SASS6: variants seen among roughly 807,000 people sequenced by gnomAD.
SASS6 encodes the protein spindle assembly abnormal protein 6 homolog.
In SASS6, 59 loss-of-function variants were observed where a neutral mutation model predicts 94.9. The ratio of observed to expected loss-of-function variants is 0.62; its 90% confidence interval spans 0.50 to 0.77. The LOEUF is 0.77. Among genes scored for constraint, SASS6 ranks in the 30% least tolerant of loss-of-function variants. The pLI, the probability that SASS6 is intolerant of heterozygous loss-of-function variation, is 0.00. For missense variants in SASS6, 698 were observed against 734.1 expected, an observed-to-expected ratio of 0.95 and a Z score of 0.57; for synonymous variants, 264 against 270.0, an observed-to-expected ratio of 0.98 and a Z score of 0.22.
At chr1:100,114,525 A>T (rs763702885) in intron 7 of SASS6, among the ~76,000 whole-genome samples, 22 of 151,430 alleles carry the variant, frequency 1.5e-4, no homozygotes, top group South Asian at 8.3e-4. Context: ...CTCTAAAAAA[A>T]AAATAAATAA....
intron 14 of SASS6, among the ~76,000 whole-genome samples, chr1:100,089,107 AAATAGTC>A (rs1651507105): frequency 6.6e-6 from 1 of 152,140 alleles, no homozygotes; most frequent in Admixed American, 6.5e-5. Context: ...TCCAGACATA[AAATAGTC>A]AATATATAAA....
chr1:100,114,057 T>C (rs956977453), intron 7 of SASS6, among the ~76,000 whole-genome samples: 1 of 151,930 alleles, frequency 6.6e-6, no homozygotes, highest in African/African-American at 2.4e-5. Flanking sequence ...ACATGGCTTT[T>C]TAAGAAAATA....
chr1:100,096,009 A>G (rs1652078803), intron 14 of SASS6, among the ~76,000 whole-genome samples: 1 of 152,220 alleles, frequency 6.6e-6, no homozygotes. Flanking sequence ...TTCCTTATAT[A>G]CCTATCAAAA....
intron 14 of SASS6, among the ~76,000 whole-genome samples, chr1:100,100,022 T>A (rs1652357463): frequency 6.6e-6 from 1 of 152,030 alleles, no homozygotes; most frequent in African/African-American, 2.4e-5. Flanking sequence ...ATCCCACCAC[T>A]TGGGAGGCCG....
rs759557305 is a variant in SASS6 at position 100,110,357 on chromosome 1, C to T, written c.796G>A (p.Glu266Lys). Residue 266 changes from glutamate to lysine, a missense_variant, in exon 8 of 17, where the codon GAA becomes AAA. Physicochemically the swap from Glu to Lys is moderately conservative, Grantham distance 56 (BLOSUM62 1). Transcript: ENST00000287482. ...GTGGAGTCTCCTTTATATTTTCTTT[C>T]GGTTAAGTCTTTATTAGCCGCTTCT... ...ELEAANKDLT[E>K]RKYKGDSTIR... 31 of 1,607,004 alleles carry T rather than the reference C, an allele frequency of 1.9e-5. No homozygotes were observed. The highest frequency in any genetic ancestry group is 1.0e-4 in the South Asian group (9 of 90,256).
intron 14 of SASS6, among the ~76,000 whole-genome samples, chr1:100,090,333 TAAA>T (rs1359917907): frequency 6.6e-6 from 1 of 151,674 alleles, no homozygotes; most frequent in African/African-American, 2.4e-5. Flanking sequence ...GGCTGGAAAA[TAAA>T]AAAATAGAAA....
intron 15 of SASS6, among the ~76,000 whole-genome samples, chr1:100,087,271 C>CTACA (rs955540452): frequency 9.2e-5 from 14 of 152,342 alleles, no homozygotes; most frequent in Non-Finnish European, 1.8e-4. Flanking sequence ...GCATGAGCCA[C>CTACA]TGTGACCAGC....
intron 14 of SASS6, among the ~76,000 whole-genome samples, chr1:100,100,502 A>G (rs1284305663): frequency 6.6e-6 from 1 of 152,212 alleles, no homozygotes; most frequent in African/African-American, 2.4e-5. Flanking sequence ...CCAAAAATAA[A>G]AGAGAAAAAA....
chr1:100,116,047 C>A (rs979355331), intron 7 of SASS6, among the ~76,000 whole-genome samples: 6 of 151,964 alleles, frequency 3.9e-5, no homozygotes, highest in African/African-American at 1.2e-4. Context: ...GAAATGAAAT[C>A]TTAAGCCATA....
intron 14 of SASS6, among the ~76,000 whole-genome samples, chr1:100,093,766 CAAG>C: frequency 6.7e-6 from 1 of 149,578 alleles, no homozygotes; most frequent in Admixed American, 6.6e-5. Flanking sequence ...GTCTCAAAAA[CAAG>C]AAAAGAAAAA....
chr1:100,102,675 C>CAAAAAAA (rs67844941), intron 14 of SASS6, among the ~76,000 whole-genome samples: 1 of 70,116 alleles, frequency 1.4e-5, no homozygotes, highest in Non-Finnish European at 3.0e-5. Context: ...AAGACTGTCT[C>CAAAAAAA]AAAAAAAAAA....
Position 100,085,450 on chromosome 1 carries a change from A to G in SASS6, c.1868-16T>C. 5.0e-6 allele frequency: 8 copies of G among 1,588,686 alleles called. No individual in the cohort carries two copies. The highest frequency in any genetic ancestry group is 6.9e-6 in the Non-Finnish European group (8 of 1,156,958). On this transcript the variant is annotated splice_polypyrimidine_tract_variant and intron_variant, in intron 16 of 16. Transcript: ENST00000287482. ...CTCTGATGGTCTGCAAATGAGGACA[A>G]AAAAAGGTTACTGGTATTCATTAAG...
intron 14 of SASS6, among the ~76,000 whole-genome samples, chr1:100,095,922 GGAAA>G (rs1409294398): frequency 6.6e-6 from 1 of 152,128 alleles, no homozygotes; most frequent in Non-Finnish European, 1.5e-5. Context: ...CTAAATAAAT[GGAAA>G]GACTCTTAAT....
chr1:100,098,950 A>G (rs1341464128), intron 14 of SASS6, among the ~76,000 whole-genome samples: 1 of 152,252 alleles, frequency 6.6e-6, no homozygotes, highest in Non-Finnish European at 1.5e-5. Context: ...GGAATATATC[A>G]TAAGAAATTC....
chr1:100,112,736 AAG>A (rs1653441341), intron 7 of SASS6, among the ~76,000 whole-genome samples: 1 of 152,348 alleles, frequency 6.6e-6, no homozygotes, highest in East Asian at 1.9e-4. Flanking sequence ...TAATTTGAGA[AAG>A]AGCACACTAT....
intron 8 of SASS6, among the ~76,000 whole-genome samples, chr1:100,108,795 T>C (rs2101665582): frequency 6.6e-6 from 1 of 152,216 alleles, no homozygotes; most frequent in South Asian, 2.1e-4. Context: ...GTTCCCTCAT[T>C]TGTAAAACAG....
At chr1:100,128,335 A>C (rs1642474107) in intron 1 of SASS6, among the ~76,000 whole-genome samples, 1 of 152,106 alleles carries the variant, frequency 6.6e-6, no homozygotes, top group Non-Finnish European at 1.5e-5. Flanking sequence ...CTGCACCTAG[A>C]CGGTGTTTTA....
rs145493191 is a variant in SASS6, at chr1:100,096,943, G to A, written c.1674+6012C>T. Among the ~76,000 whole-genome samples, 907 of 152,138 alleles carry A rather than the reference G, an allele frequency of 6.0e-3. 20 individuals are homozygous for A. Among genetic ancestry groups the A allele is most frequent in the Admixed American group, 0.04 (607 of 15,274 alleles). On this transcript the variant is annotated intron_variant, in intron 14 of 16. Coordinates refer to ENST00000287482, the MANE Select transcript of SASS6 (RefSeq NM_194292.3). ...CAGCCTGGCCAACATGGTGAACCCTGTCTCTACTAAAAAATACAAAAATTA... is the reference window on the plus strand; with the variant it reads ...CAGCCTGGCCAACATGGTGAACCCTATCTCTACTAAAAAATACAAAAATTA...
At chr1:100,127,071 G>T (rs1050594641) in intron 1 of SASS6, among the ~76,000 whole-genome samples, 1 of 152,092 alleles carries the variant, frequency 6.6e-6, no homozygotes, top group Admixed American at 6.5e-5. Context: ...TTGGACAGAG[G>T]TATATAGGTG....
Sources: gnomAD v4.1 joint callset for allele counts (sites outside exome capture counted in the v4.1 genomes callset) on GRCh38, gnomAD v4.1.1 for gene constraint, MANE v1.5 for transcripts, NCBI Gene and HGNC (gene_info 2026-07-23, HGNC 2026-07-21) for gene names.